NOL11: variants seen among roughly 807,000 people sequenced by gnomAD.
NOL11 encodes the protein nucleolar protein 11.
NOL11 carries 42 observed loss-of-function variants against 93.0 expected under a neutral mutation model. The ratio of observed to expected loss-of-function variants is 0.45; its 90% confidence interval spans 0.35 to 0.58. NOL11 has a LOEUF of 0.58. NOL11 is among the 20% of genes least tolerant of loss of function. The pLI, the probability that NOL11 is intolerant of heterozygous loss-of-function variation, is 0.00. For synonymous variants in NOL11, 296 were observed against 293.7 expected (o/e 1.01, Z -0.08); for missense variants, 775 against 841.8 (o/e 0.92, Z 0.98).
At position 67,738,951 on chromosome 17, in the gene NOL11, G is replaced by T; in HGVS notation, c.1783G>T (p.Ala595Ser). 1 of 1,611,232 alleles carries T rather than the reference G, an allele frequency of 6.2e-7. No homozygotes were observed. Among genetic ancestry groups the T allele is most frequent in the Non-Finnish European group, 8.5e-7 (1 of 1,177,700 alleles). ...CCTAAGTAATGCAATTCTTCATTCAGCATATAGCGAGACATTTCTTCTGCC... is the reference window on the plus strand; with the variant it reads ...CCTAAGTAATGCAATTCTTCATTCATCATATAGCGAGACATTTCTTCTGCC... The part of the protein sequence containing the change: ...AALLNAILHS[A>S]YSETFLLPHL... Residue 595 changes from alanine (A) to serine (S), a missense_variant, in exon 15 of 18, where the codon GCA (alanine) becomes TCA (serine). Physicochemically the swap from Ala to Ser is moderately conservative, Grantham distance 99 (BLOSUM62 1). Coordinates refer to ENST00000253247, the MANE Select transcript of NOL11 (RefSeq NM_015462.5).
At chr17:67,736,507 A>G (rs2055203521) in intron 9 of NOL11, 159 bp from the exon 10 acceptor site, 3 of 578,452 alleles carry the variant, frequency 5.2e-6, no homozygotes, top group South Asian at 2.3e-5. Context: ...CCTTTTCACT[A>G]TATTATGATT....
chr17:67,742,154 AGAGTT>A (rs2055262442), intron 16 of NOL11, among the ~76,000 whole-genome samples: 1 of 152,360 alleles, frequency 6.6e-6, no homozygotes, highest in Admixed American at 6.5e-5. Context: ...GACTTTCTGA[AGAGTT>A]GTGACAACTA....
At chr17:67,721,928 C>G (rs1414046517) in intron 4 of NOL11, among the ~76,000 whole-genome samples, 1 of 152,196 alleles carries the variant, frequency 6.6e-6, no homozygotes, top group Non-Finnish European at 1.5e-5. Context: ...AATGACTCAT[C>G]AAGGGATAGA....
Position 67,722,584 on chromosome 17 carries a change from A to C in NOL11, c.466A>C (p.Thr156Pro). Residue 156 changes from threonine to proline, a missense_variant, in exon 5 of 18, where the codon ACA becomes CCA. By Grantham distance (38) the Thr-to-Pro change is conservative. Transcript: ENST00000253247. Reference sequence around the variant, plus strand: ...TTCTTTTTTCTTTTTTTGTAGATGGACAAAGTTTTTCGTAGTATTCAGACA... The same window carrying C: ...TTCTTTTTTCTTTTTTTGTAGATGGCCAAAGTTTTTCGTAGTATTCAGACA... ...VISDEEVIKW[T>P]KFFVVFRHPV... 1 of 1,570,770 alleles carries C rather than the reference A, an allele frequency of 6.4e-7. No homozygotes were observed.
chr17:67,725,499 A>C lies in NOL11; in HGVS notation c.665-961A>C, dbSNP rs575351963. Among the ~76,000 whole-genome samples, 27 of 152,322 alleles carry C rather than the reference A, an allele frequency of 1.8e-4. No homozygotes were observed. The South Asian group carries it at 5.6e-3, about 32-fold the overall frequency. On this transcript the variant is annotated intron_variant, in intron 6 of 17. Transcript: ENST00000253247. The stretch of plus-strand genomic sequence containing the variant: ...AAGGAGAAGTAAACAAGAGCAATAC[A>C]TAGGAAACATTTCCATATTATCACA...
chr17:67,738,884 A>G (rs747837161), intron 14 of NOL11, 48 bp from the exon 15 acceptor site: 1 of 1,242,410 alleles, frequency 8.0e-7, no homozygotes, highest in South Asian at 1.3e-5. Context: ...CATAAGTTCA[A>G]TAGAATAGCT....
In NOL11 at chr17:67,736,715, T is replaced by C. The variant is rs2143130488; in HGVS notation, c.1104T>C (p.Cys368=). The C allele has an allele frequency of 6.2e-7, 1 of 1,613,564 alleles. No individual in the cohort carries two copies. The highest frequency in any genetic ancestry group is 1.7e-4 in the Middle Eastern group (1 of 6,046). ...HFVNWETPQG[C]GLGFQNSEQS... is the part of the protein sequence containing the mutation. ...TAAACTGGGAGACACCTCAAGGATG[T>C]GGACTTGGGTTCCAGAACTCAGAGC... is the stretch of plus-strand genomic sequence containing the variant. Residue 368 remains cysteine (C), a synonymous_variant, in exon 10 of 18, where the codon TGT becomes TGC. Coordinates refer to ENST00000253247, the MANE Select transcript of NOL11 (RefSeq NM_015462.5).
intron 14 of NOL11, 53 bp from the exon 15 acceptor site, chr17:67,738,879 G>A (rs1011036980): frequency 5.1e-6 from 6 of 1,168,612 alleles, no homozygotes; most frequent in African/African-American, 1.5e-5. Flanking sequence ...TTACTCATAA[G>A]TTCAATAGAA....
intron 1 of NOL11, 30 bp downstream of exon 1, chr17:67,718,118 A>G: frequency 6.2e-7 from 1 of 1,602,256 alleles, no homozygotes; most frequent in South Asian, 1.1e-5. Flanking sequence ...GAGCGCCCCG[A>G]CTGCCTTCTC....
At position 67,722,581 on chromosome 17, in the gene NOL11, T is replaced by C; in HGVS notation, c.463T>C (p.Trp155Arg). The change falls in exon 5 of 18, where the codon TGG becomes CGG. Residue 155 changes from tryptophan (W) to arginine (R), a missense_variant and splice_region_variant. Coordinates refer to ENST00000253247, the MANE Select transcript of NOL11 (RefSeq NM_015462.5). The stretch of plus-strand genomic sequence containing the variant: ...TTTTTCTTTTTTCTTTTTTTGTAGA[T>C]GGACAAAGTTTTTCGTAGTATTCAG... ...TVISDEEVIK[W>R]TKFFVVFRHP... 1 of 1,569,644 alleles carries C rather than the reference T, an allele frequency of 6.4e-7. No homozygotes were observed. The highest frequency in any genetic ancestry group is 8.6e-7 in the Non-Finnish European group (1 of 1,166,574).
chr17:67,743,678 C>A, intron 17 of NOL11, 65 bp from the exon 18 acceptor site: 1 of 1,197,234 alleles, frequency 8.4e-7, no homozygotes, highest in South Asian at 1.5e-5. Flanking sequence ...AAATAACTTA[C>A]TCATGGAAGA....
intron 8 of NOL11, 28 bp from the exon 9 acceptor site, chr17:67,735,872 C>T: frequency 6.3e-7 from 1 of 1,592,122 alleles, no homozygotes; most frequent in South Asian, 1.1e-5. Flanking sequence ...AAAAAATTTG[C>T]TTATGTTTTT....
Position 67,737,218 on chromosome 17 carries a change from T to C in NOL11, c.1218+73T>C. ...AAGAAATCGCATCTACTCTTCGTTC[T>C]GTCTTATTTTTATGATCATCTTTAT... On this transcript the variant is annotated intron_variant, in intron 11 of 17. Coordinates refer to ENST00000253247, the MANE Select transcript of NOL11 (RefSeq NM_015462.5). 5.5e-6 allele frequency: 5 copies of C among 911,542 alleles called. No homozygotes were observed. In the South Asian group the frequency reaches 7.0e-5, roughly 13 times the overall value. 56.5% of individuals were successfully genotyped at this position (911,542 alleles called of 1,614,324 possible).
chr17:67,741,144 AC>A (rs2055253049), intron 16 of NOL11, among the ~76,000 whole-genome samples: 1 of 152,082 alleles, frequency 6.6e-6, no homozygotes, highest in African/African-American at 2.4e-5. Context: ...ATCTCGGCTC[AC>A]TGCAACCTCC....
intron 17 of NOL11, 39 bp downstream of exon 17, chr17:67,743,625 C>G: frequency 7.8e-7 from 1 of 1,280,164 alleles, no homozygotes; most frequent in Non-Finnish European, 1.1e-6. Context: ...TTATTTGTAC[C>G]CAAGTATCAC....
intron 10 of NOL11, 158 bp downstream of exon 10, chr17:67,736,912 C>A: frequency 1.4e-6 from 1 of 722,318 alleles, no homozygotes. Context: ...CATTCTTTAT[C>A]CAGAAATGCC....
chr17:67,739,694 G>C, intron 16 of NOL11, 86 bp downstream of exon 16: 1 of 798,734 alleles, frequency 1.3e-6, no homozygotes, highest in South Asian at 1.6e-5. Context: ...GCATTCAAGA[G>C]CTGACTTCTT....
At chr17:67,731,029 G>T (rs1157586552) in intron 7 of NOL11, among the ~76,000 whole-genome samples, 3 of 152,150 alleles carry the variant, frequency 2.0e-5, no homozygotes, top group Non-Finnish European at 4.4e-5. Context: ...TAAGTGTGTT[G>T]AACATTTTTT....
chr17:67,741,872 A>G (rs192349963), intron 16 of NOL11, among the ~76,000 whole-genome samples: 3 of 152,212 alleles, frequency 2.0e-5, no homozygotes, highest in Non-Finnish European at 4.4e-5. Flanking sequence ...CCCACTCAGC[A>G]CTGTTTTAGA....
Sources: allele counts gnomAD v4.1 joint callset (sites outside exome capture counted in the v4.1 genomes callset), GRCh38; gene constraint gnomAD v4.1.1; transcripts MANE v1.5; gene names NCBI Gene and HGNC (gene_info 2026-07-23, HGNC 2026-07-21).